LARP1B: variants seen among roughly 807,000 people sequenced by gnomAD.
LARP1B encodes the protein la-related protein 1B.
LARP1B carries 76 observed loss-of-function variants against 114.2 expected under a neutral mutation model. The observed-to-expected ratio is 0.67, with a 90% CI of 0.55 to 0.81. The LOEUF (loss-of-function observed/expected upper bound fraction) is 0.81. Among genes scored for constraint, LARP1B ranks in the 30% least tolerant of loss-of-function variants. LARP1B has a pLI of 0.00. For missense variants in LARP1B, 1,014 were observed against 1,075.8 expected (o/e 0.94, Z 0.80); for synonymous variants, 345 against 348.0 (o/e 0.99, Z 0.10).
intron 7 of LARP1B, among the ~76,000 whole-genome samples, chr4:128,096,143 G>A (rs756965943): frequency 4.6e-5 from 7 of 152,086 alleles, no homozygotes; most frequent in African/African-American, 1.7e-4. Flanking sequence ...ACAGGCGCCC[G>A]CCACCTTGCC....
At chr4:128,135,438 G>A (rs575703538) in intron 11 of LARP1B, among the ~76,000 whole-genome samples, 17 of 152,132 alleles carry the variant, frequency 1.1e-4, no homozygotes, top group Non-Finnish European at 2.4e-4. Flanking sequence ...CCAAAAAAAT[G>A]AAGGCAGGAT....
At chr4:128,191,463 G>C (rs1752247756) in intron 15 of LARP1B, among the ~76,000 whole-genome samples, 1 of 152,138 alleles carries the variant, frequency 6.6e-6, no homozygotes, top group South Asian at 2.1e-4. Flanking sequence ...GTATATCAGT[G>C]CCTCCTTTTG....
At chr4:128,110,533 C>T (rs950556818) in intron 9 of LARP1B, among the ~76,000 whole-genome samples, 14 of 149,358 alleles carry the variant, frequency 9.4e-5, no homozygotes, top group Non-Finnish European at 1.9e-4. Flanking sequence ...AAAAATTAGC[C>T]GGGCGTAGTG....
intron 15 of LARP1B, among the ~76,000 whole-genome samples, chr4:128,196,328 C>T (rs1386189772): frequency 2.0e-5 from 3 of 148,508 alleles, no homozygotes; most frequent in East Asian, 2.0e-4. Context: ...ACCCAGCCTG[C>T]GCAACACGGT....
intron 5 of LARP1B, among the ~76,000 whole-genome samples, chr4:128,089,396 C>T (rs1468229815): frequency 1.3e-5 from 2 of 152,118 alleles, no homozygotes; most frequent in East Asian, 1.9e-4. Flanking sequence ...AGTGCAGTGG[C>T]GAGGTCTCGG....
Position 128,062,200 on chromosome 4 carries a change from G to C in LARP1B, c.-78+799G>C, listed in dbSNP as rs570523846. On this transcript the variant is annotated intron_variant, in intron 1 of 19. Coordinates refer to ENST00000326639, the MANE Select transcript of LARP1B (RefSeq NM_018078.4). The stretch of plus-strand genomic sequence containing the variant: ...ACACGACAGGTCCGCCACCGCCCCC[G>C]CTGGAAACCCTGGAGGCAGGTCTGT... The C allele has an allele frequency of 2.1e-5, 21 of 985,436 alleles. No individual in the cohort carries two copies. The East Asian group carries it at 1.9e-3, about 91-fold the overall frequency. The allele number at this position is 985,436 out of a possible 1,614,324, so 61.0% of individuals were successfully genotyped here.
chr4:128,114,229 A>G (rs1785062771), intron 9 of LARP1B, among the ~76,000 whole-genome samples: 1 of 152,190 alleles, frequency 6.6e-6, no homozygotes, highest in South Asian at 2.1e-4. Flanking sequence ...TAATTTCCTT[A>G]TAATTTATAG....
chr4:128,114,825 A>C (rs533382282), intron 10 of LARP1B, 83 bp downstream of exon 10: 3 of 1,298,726 alleles, frequency 2.3e-6, no homozygotes, highest in African/African-American at 3.0e-5. Flanking sequence ...TTAGGTACAT[A>C]TGTAAAATTT....
At position 128,211,379 on chromosome 4, in the gene LARP1B, T is replaced by G; in HGVS notation, c.*1326T>G. 1.1e-6 allele frequency: 1 copy of G among 933,592 alleles called. No individual in the cohort carries two copies. The highest frequency in any genetic ancestry group is 1.8e-5 in the African/African-American group (1 of 56,300). The allele number at this position is 933,592 out of a possible 1,614,324, so 57.8% of individuals were successfully genotyped here. On this transcript the variant is annotated 3_prime_UTR_variant, in exon 20 of 20. Coordinates refer to ENST00000326639, the MANE Select transcript of LARP1B (RefSeq NM_018078.4). ...GATTGGATATCTTGTTCTTATAAAT[T>G]ATAATATTGAAATACATATAATCTT...
intron 10 of LARP1B, among the ~76,000 whole-genome samples, chr4:128,118,437 C>T (rs1292370955): frequency 4.6e-5 from 7 of 151,060 alleles, no homozygotes; most frequent in East Asian, 3.9e-4. Context: ...GGGGTTTCAT[C>T]GTGTTAGCCA....
chr4:128,164,013 T>C (rs1739633367), intron 12 of LARP1B, among the ~76,000 whole-genome samples: 1 of 152,132 alleles, frequency 6.6e-6, no homozygotes. Context: ...GAGAAAAATA[T>C]ATTACGTATT....
chr4:128,152,546 T>G (rs1007218991), intron 11 of LARP1B, among the ~76,000 whole-genome samples: 8 of 151,702 alleles, frequency 5.3e-5, no homozygotes, highest in South Asian at 4.1e-4. Context: ...ATTTTTTAGG[T>G]TAATGTTTTT....
At chr4:128,079,434 C>T (rs187071513) in intron 4 of LARP1B, among the ~76,000 whole-genome samples, 2 of 151,872 alleles carry the variant, frequency 1.3e-5, no homozygotes, top group East Asian at 3.9e-4. Context: ...ATCCTTAGTG[C>T]AGGATGAGCA....
At chr4:128,103,646 T>G (rs1282544671) in intron 8 of LARP1B, among the ~76,000 whole-genome samples, 1 of 147,076 alleles carries the variant, frequency 6.8e-6, no homozygotes, top group Non-Finnish European at 1.5e-5. Flanking sequence ...CACTACAACC[T>G]CTGCCTCCTA....
At chr4:128,079,092 CTTTTTTTTTT>C (rs75874776) in intron 4 of LARP1B, among the ~76,000 whole-genome samples, 51,437 of 142,348 alleles carry the variant, frequency 0.36, 9,950 homozygotes, top group Middle Eastern at 0.48. Context: ...AATAGTTTGT[CTTTTTTTTTT>C]TTTTTTTTAA....
At chr4:128,061,666 C>T in intron 1 of LARP1B, 2 of 984,452 alleles carry the variant, frequency 2.0e-6, no homozygotes, top group Non-Finnish European at 2.4e-6. Context: ...GGGGCCACCC[C>T]GGCTGGGGCG....
At position 128,065,318 on chromosome 4, in the gene LARP1B, TC is replaced by T. The variant is rs1561012427; in HGVS notation, c.-78+3918del. ...CTTTCTTTCTTTCTTTCTTTCTTTC[TC>T]TCTCTCTCTCTCTTTCCTTTCTTTT... On this transcript the variant is annotated intron_variant, in intron 1 of 19. Coordinates refer to ENST00000326639, the MANE Select transcript of LARP1B (RefSeq NM_018078.4). 9.1e-3 allele frequency among the ~76,000 whole-genome samples: 675 copies of T among 74,508 alleles called. 8 individuals carry two copies. The highest frequency in any genetic ancestry group is 0.014 in the African/African-American group (308 of 21,332). 48.9% of individuals were successfully genotyped at this position (74,508 alleles called of 152,430 possible). A position where few individuals can be genotyped will look rare whatever the true frequency, so the allele number is the denominator to read the frequency against.
At chr4:128,072,119 C>A (rs1765600029) in intron 1 of LARP1B, among the ~76,000 whole-genome samples, 2 of 152,004 alleles carry the variant, frequency 1.3e-5, no homozygotes, top group South Asian at 4.2e-4. Flanking sequence ...CGTGCCTCAG[C>A]CTCCAGAGTA....
intron 1 of LARP1B, among the ~76,000 whole-genome samples, chr4:128,065,295 T>TC (rs1762135062): frequency 4.4e-5 from 6 of 135,058 alleles, no homozygotes; most frequent in East Asian, 4.1e-4. Flanking sequence ...CTTTCTTTCT[T>TC]TCTTTCTTTC....
Sources: gnomAD v4.1 joint callset for allele counts (sites outside exome capture counted in the v4.1 genomes callset) on GRCh38, gnomAD v4.1.1 for gene constraint, MANE v1.5 for transcripts, NCBI Gene and HGNC (gene_info 2026-07-23, HGNC 2026-07-21) for gene names.